AKAP13: variants seen among roughly 807,000 people sequenced by gnomAD.
The protein encoded by AKAP13 is A-kinase anchor protein 13.
AKAP13 carries 80 observed loss-of-function variants against 264.5 expected under a neutral mutation model. The observed-to-expected ratio is 0.30, with a 90% CI of 0.25 to 0.36. The LOEUF is 0.36. Among genes scored for constraint, AKAP13 ranks in the 10% least tolerant of loss-of-function variants. The pLI is 1.00. For missense variants in AKAP13, 3,712 were observed against 3,435.2 expected (o/e 1.08, Z -2.01); for synonymous variants, 1,380 against 1,250.2 (o/e 1.10, Z -2.19).
intron 1 of AKAP13, among the ~76,000 whole-genome samples, chr15:85,398,466 C>T (rs1048073098): frequency 6.6e-6 from 1 of 152,070 alleles, no homozygotes; most frequent in African/African-American, 2.4e-5. Context: ...ATATACAGCC[C>T]ATATGTGGAC....
At chr15:85,696,799 T>G (rs190529137) in intron 17 of AKAP13, among the ~76,000 whole-genome samples, 88 of 152,344 alleles carry the variant, frequency 5.8e-4, no homozygotes, top group African/African-American at 2.0e-3. Context: ...GCCCCCTCAT[T>G]TGGGGTCAAG....
At chr15:85,455,881 G>T (rs1298792291) in intron 1 of AKAP13, among the ~76,000 whole-genome samples, 1 of 151,880 alleles carries the variant, frequency 6.6e-6, no homozygotes, top group Non-Finnish European at 1.5e-5. Flanking sequence ...TCTTCTTCTG[G>T]GACTTAGGAT....
chr15:85,563,625 C>T (rs1018191036), intron 5 of AKAP13, among the ~76,000 whole-genome samples: 1 of 152,124 alleles, frequency 6.6e-6, no homozygotes, highest in African/African-American at 2.4e-5. Flanking sequence ...CCTACAAAAG[C>T]CAGCCCTTTC....
chr15:85,560,925 A>G (rs972696607), intron 5 of AKAP13, among the ~76,000 whole-genome samples: 3 of 152,136 alleles, frequency 2.0e-5, no homozygotes, highest in African/African-American at 7.2e-5. Flanking sequence ...GGTTACTTTA[A>G]TGCAGTGTTT....
At chr15:85,693,993 A>G (rs181138749) in intron 17 of AKAP13, among the ~76,000 whole-genome samples, 11 of 152,354 alleles carry the variant, frequency 7.2e-5, no homozygotes, top group African/African-American at 2.6e-4. Context: ...ATGTGGATGT[A>G]GCCTCATTGA....
At chr15:85,386,388 G>T (rs1364391933) in intron 1 of AKAP13, among the ~76,000 whole-genome samples, 2 of 151,334 alleles carry the variant, frequency 1.3e-5, no homozygotes, top group African/African-American at 2.4e-5. Context: ...CCGCCTCCCG[G>T]GTTCAAGTGA....
In AKAP13 at chr15:85,743,513, C is replaced by T. The variant is rs1294440757; in HGVS notation, c.8080C>T (p.Leu2694=). ...LCQVSHPHTK[L]MRIPSFFPSP... is the part of the protein sequence containing the mutation. ...ACAGGTTTCCCATCCACATACCAAG[C>T]TGATGAGGATCCCATCGTTCTTCCC... Residue 2694 remains leucine (L), a synonymous_variant, in exon 36 of 37, where the codon CTG becomes TTG. Transcript: ENST00000394518. 6.2e-7 allele frequency: 1 copy of T among 1,613,946 alleles called. No individual in the cohort carries two copies. Among genetic ancestry groups the T allele is most frequent in the African/African-American group, 1.3e-5 (1 of 74,914 alleles).
chr15:85,634,538 T>TA (rs1567166967), intron 8 of AKAP13, among the ~76,000 whole-genome samples: 1 of 152,222 alleles, frequency 6.6e-6, no homozygotes, highest in Non-Finnish European at 1.5e-5. Flanking sequence ...TTTTATATTT[T>TA]ATACTTCTGT....
chr15:85,620,275 C>T (rs907467341), intron 8 of AKAP13: 33 of 1,109,742 alleles, frequency 3.0e-5, no homozygotes, highest in Admixed American at 1.5e-4. Context: ...GGAGAAAGGC[C>T]GAGAAATCTG....
intron 1 of AKAP13, among the ~76,000 whole-genome samples, chr15:85,464,009 T>C (rs1318850045): frequency 6.6e-6 from 1 of 152,216 alleles, no homozygotes; most frequent in Non-Finnish European, 1.5e-5. Context: ...GTTACAGTTT[T>C]GAATTACTGC....
intron 1 of AKAP13, among the ~76,000 whole-genome samples, chr15:85,451,473 G>A (rs1596224018): frequency 6.6e-6 from 1 of 152,216 alleles, no homozygotes; most frequent in African/African-American, 2.4e-5. Flanking sequence ...TGATACTGGT[G>A]TCTGTGTTTA....
At chr15:85,510,256 G>A (rs183914832) in intron 2 of AKAP13, among the ~76,000 whole-genome samples, 7 of 152,302 alleles carry the variant, frequency 4.6e-5, no homozygotes, top group Non-Finnish European at 1.5e-5. Flanking sequence ...TCTGTCTTGA[G>A]CTTTGAGCAG....
intron 8 of AKAP13, among the ~76,000 whole-genome samples, chr15:85,586,990 T>C (rs539542021): frequency 6.6e-6 from 1 of 151,904 alleles, no homozygotes; most frequent in East Asian, 1.9e-4. Context: ...TTAAGAATAG[T>C]TTGTTTTGGG....
chr15:85,389,389 A>G (rs1285148092), intron 1 of AKAP13, among the ~76,000 whole-genome samples: 1 of 152,202 alleles, frequency 6.6e-6, no homozygotes, highest in Non-Finnish European at 1.5e-5. Context: ...TTTAGGGCTT[A>G]TCTCATTTGT....
intron 5 of AKAP13, among the ~76,000 whole-genome samples, chr15:85,565,894 AT>A (rs1484288392): frequency 1.3e-5 from 2 of 152,234 alleles, no homozygotes; most frequent in African/African-American, 4.8e-5. Context: ...TCTTAGTTGT[AT>A]TTGTGAAATT....
chr15:85,675,430 T>C (rs2084171742), intron 14 of AKAP13, among the ~76,000 whole-genome samples: 1 of 152,214 alleles, frequency 6.6e-6, no homozygotes, highest in Non-Finnish European at 1.5e-5. Flanking sequence ...GGTACAGGGC[T>C]TTTTCTCTCA....
Position 85,580,824 on chromosome 15 carries a change from A to T in AKAP13, c.2756A>T (p.Glu919Val). 1 of 1,614,084 alleles carries T rather than the reference A, an allele frequency of 6.2e-7. No homozygotes were observed. Residue 919 changes from glutamate (E) to valine (V), a missense_variant, in exon 7 of 37, where the codon GAA (glutamate) becomes GTA (valine). By Grantham distance (121) the Glu-to-Val change is moderately radical. Coordinates refer to ENST00000394518, the MANE Select transcript of AKAP13 (RefSeq NM_007200.5). ...TEEGKLLVVS[E>V]SSAAQEQDKD... ...GAAGGAAAACTTCTGGTGGTTTCAG[A>T]AAGCTCTGCAGCTCAGGAACAAGAT... is the stretch of plus-strand genomic sequence containing the variant.
At chr15:85,459,376 T>C (rs1181969608) in intron 1 of AKAP13, among the ~76,000 whole-genome samples, 2 of 148,840 alleles carry the variant, frequency 1.3e-5, no homozygotes, top group East Asian at 4.0e-4. Context: ...TTTTTGTATT[T>C]TTAGTAGAGA....
chr15:85,534,013 A>C (rs984012587), intron 4 of AKAP13, 133 bp downstream of exon 4: 28 of 1,022,450 alleles, frequency 2.7e-5, no homozygotes, highest in Non-Finnish European at 3.3e-5. Flanking sequence ...GAATTACTGT[A>C]GGAAAGTGGC....
Sources: gnomAD v4.1 joint callset for allele counts (sites outside exome capture counted in the v4.1 genomes callset) on GRCh38, gnomAD v4.1.1 for gene constraint, MANE v1.5 for transcripts, NCBI Gene and HGNC (gene_info 2026-07-23, HGNC 2026-07-21) for gene names.